The following MAP3K13 variants were observed in gnomAD, a reference collection of about 807,000 sequenced individuals.
MAP3K13 encodes the protein leucine zipper-bearing kinase.
Under a neutral mutation model 104.0 loss-of-function variants are expected in MAP3K13, and 52 were observed. The ratio of observed to expected loss-of-function variants is 0.50; its 90% CI spans 0.40 to 0.63. The LOEUF is 0.63. Among genes scored for constraint, MAP3K13 ranks in the 20% least tolerant of loss-of-function variants. The pLI is 0.00. For synonymous variants in MAP3K13, 394 were observed against 442.2 expected (o/e 0.89, Z 1.37); for missense variants, 914 against 1,218.5 (o/e 0.75, Z 3.72).
intron 2 of MAP3K13, among the ~76,000 whole-genome samples, chr3:185,348,760 T>C (rs1370198282): frequency 6.6e-6 from 1 of 151,896 alleles, no homozygotes; most frequent in Non-Finnish European, 1.5e-5. Context: ...TTACTAAAAA[T>C]ACAAAAATTA....
chr3:185,454,295 T>C, intron 7 of MAP3K13, among the ~76,000 whole-genome samples: 1 of 110,036 alleles, frequency 9.1e-6, no homozygotes, highest in African/African-American at 3.7e-5. Context: ...ATATATGAGA[T>C]ATATATCATA....
chr3:185,330,376 C>A (rs1212480106), intron 2 of MAP3K13, among the ~76,000 whole-genome samples: 1 of 152,068 alleles, frequency 6.6e-6, no homozygotes, highest in Admixed American at 6.5e-5. Context: ...TGGGCCCCAA[C>A]TGAATCTCGG....
rs1021071065 is a variant in MAP3K13 at position 185,450,587 on chromosome 3, C to T, written c.1169+529C>T. ...TTCAAGAGCAGCTTGGGCAACATAGCGAGACCCCATCTCTGTGTTAAAAAC... is the reference window on the plus strand; with the variant it reads ...TTCAAGAGCAGCTTGGGCAACATAGTGAGACCCCATCTCTGTGTTAAAAAC... On this transcript the variant is annotated intron_variant, in intron 6 of 13. Transcript: ENST00000265026. The surrounding 1 kb of genome is among the most constrained non-coding windows in gnomAD (Gnocchi z 4.2). 3.3e-5 allele frequency among the ~76,000 whole-genome samples: 5 copies of T among 151,286 alleles called. No individual in the cohort carries two copies. The highest frequency in any genetic ancestry group is 7.4e-5 in the Non-Finnish European group (5 of 67,882).
chr3:185,391,440 A>T (rs1448824265), intron 1 of MAP3K13, among the ~76,000 whole-genome samples: 1 of 152,242 alleles, frequency 6.6e-6, no homozygotes, highest in East Asian at 1.9e-4. Context: ...CATCTCAAGG[A>T]TTTTGTCTGT....
chr3:185,400,049 C>T (rs939171268), intron 1 of MAP3K13, among the ~76,000 whole-genome samples: 2 of 152,176 alleles, frequency 1.3e-5, no homozygotes, highest in African/African-American at 4.8e-5. Context: ...CATTTTCTAC[C>T]CTGAAACAGA....
chr3:185,405,866 G>A (rs1713086080), intron 1 of MAP3K13, among the ~76,000 whole-genome samples: 1 of 152,152 alleles, frequency 6.6e-6, no homozygotes, highest in Non-Finnish European at 1.5e-5. Context: ...ATCATCCATG[G>A]CATCATAACG....
intron 12 of MAP3K13, among the ~76,000 whole-genome samples, chr3:185,479,982 T>G (rs2148930061): frequency 6.6e-6 from 1 of 152,300 alleles, no homozygotes; most frequent in South Asian, 2.1e-4. Context: ...TTTATTTACT[T>G]CCTAAAAGCC....
At chr3:185,290,325 T>C (rs556850638) in intron 2 of MAP3K13, among the ~76,000 whole-genome samples, 281 of 152,300 alleles carry the variant, frequency 1.8e-3, no homozygotes, top group Non-Finnish European at 3.5e-3. Context: ...GTTGTCAGAA[T>C]CCTTTATCAC....
At chr3:185,407,433 A>C (rs1713176738) in intron 1 of MAP3K13, among the ~76,000 whole-genome samples, 1 of 152,222 alleles carries the variant, frequency 6.6e-6, no homozygotes. Context: ...AACTCTATAT[A>C]CACAAAATAG....
intron 2 of MAP3K13, among the ~76,000 whole-genome samples, chr3:185,313,748 A>G (rs1721579201): frequency 1.4e-5 from 2 of 147,308 alleles, no homozygotes; most frequent in African/African-American, 5.0e-5. Context: ...AAAAAAAAAG[A>G]AGGGTGAATT....
intron 2 of MAP3K13, among the ~76,000 whole-genome samples, chr3:185,296,704 G>C (rs1051576822): frequency 1.3e-5 from 2 of 152,130 alleles, no homozygotes; most frequent in African/African-American, 2.4e-5. Flanking sequence ...TGGGCCCTTA[G>C]AACTTATTTA....
chr3:185,434,925 A>C (rs1355974185), intron 2 of MAP3K13, among the ~76,000 whole-genome samples: 1 of 152,154 alleles, frequency 6.6e-6, no homozygotes, highest in Non-Finnish European at 1.5e-5. Context: ...GAGTCCAGTA[A>C]TAATACTTTA....
rs1553807735 is a variant in MAP3K13, at chr3:185,453,917, GTGATACATATATATGAGATATATA to G, written c.1278+2572_1278+2595del. Among the ~76,000 whole-genome samples the G allele has an allele frequency of 8.3e-4, 42 of 50,422 alleles. 2 individuals are homozygous for G. The highest frequency in any genetic ancestry group is 1.9e-3 in the African/African-American group (34 of 17,462). 33.1% of individuals were successfully genotyped at this position (50,422 alleles called of 152,430 possible). A position where few individuals can be genotyped will look rare whatever the true frequency, so the allele number is the denominator to read the frequency against. On this transcript the variant is annotated intron_variant, in intron 7 of 13. Transcript: ENST00000265026. ...TGATACATATATATGAGATATATAT[GTGATACATATATATGAGATATATA>G]TGATACATATATATGAGATATATAT...
At chr3:185,446,903 G>A (rs113007470) in intron 4 of MAP3K13, among the ~76,000 whole-genome samples, 184 of 152,248 alleles carry the variant, frequency 1.2e-3, no homozygotes, top group African/African-American at 4.3e-3. Flanking sequence ...TGAAAATTCA[G>A]TGAGATTGTT....
intron 1 of MAP3K13, among the ~76,000 whole-genome samples, chr3:185,408,158 G>A (rs79173627): frequency 6.6e-6 from 1 of 152,128 alleles, no homozygotes; most frequent in Non-Finnish European, 1.5e-5. Flanking sequence ...AAAAAAATCA[G>A]AAAGTGGGAG....
At chr3:185,304,091 A>T (rs1395116055) in intron 2 of MAP3K13, among the ~76,000 whole-genome samples, 1 of 152,170 alleles carries the variant, frequency 6.6e-6, no homozygotes, top group Non-Finnish European at 1.5e-5. Flanking sequence ...GTTATTGAGC[A>T]TATTGTTTAT....
At chr3:185,411,687 T>C (rs1015119770) in intron 1 of MAP3K13, among the ~76,000 whole-genome samples, 5 of 152,164 alleles carry the variant, frequency 3.3e-5, no homozygotes, top group African/African-American at 1.2e-4. Flanking sequence ...ATTTTAAAAA[T>C]GTGATTTATA....
At chr3:185,377,784 C>T (rs868116581) in intron 1 of MAP3K13, among the ~76,000 whole-genome samples, 15 of 152,212 alleles carry the variant, frequency 9.9e-5, no homozygotes, top group Non-Finnish European at 1.3e-4. Context: ...GCTTCCGAGG[C>T]GATCGGGCAG....
intron 2 of MAP3K13, among the ~76,000 whole-genome samples, chr3:185,308,792 C>T (rs1040365616): frequency 6.6e-6 from 1 of 152,158 alleles, no homozygotes; most frequent in Non-Finnish European, 1.5e-5. Flanking sequence ...CATTTACTTG[C>T]AATTATGTAG....
Sources: gnomAD v4.1 joint callset for allele counts (sites outside exome capture counted in the v4.1 genomes callset) on GRCh38, gnomAD v4.1.1 for gene constraint, Gnocchi (gnomAD v3.1) non-coding constraint, MANE v1.5 for transcripts, NCBI Gene and HGNC (gene_info 2026-07-23, HGNC 2026-07-21) for gene names.